Variants in NTM observed in about 807,000 individuals in gnomAD.
The protein encoded by NTM is neurotrimin, also known as IgLON family member 2.
A neutral mutation model predicts 42.1 loss-of-function variants in NTM; 13 were observed. That is an observed-to-expected ratio of 0.31 (90% CI 0.20 to 0.49). The LOEUF is 0.49. NTM is among the 20% of genes least tolerant of loss of function. The probability of loss-of-function intolerance (pLI) is 0.99; values close to 1 mark genes in which losing one functional copy is unlikely to be tolerated. For missense variants in NTM, 373 were observed against 452.8 expected, an observed-to-expected ratio of 0.82 and a Z score of 1.60; for synonymous variants, 187 against 179.2, an observed-to-expected ratio of 1.04 and a Z score of -0.35.
intron 1 of NTM, among the ~76,000 whole-genome samples, chr11:131,735,835 G>GGTGTGTGTGTGT (rs398018112): frequency 3.5e-4 from 43 of 121,374 alleles, no homozygotes; most frequent in African/African-American, 8.0e-4. Context: ...CCATTCATAA[G>GGTGTGTGTGTGT]GTGTGTGTGT....
intron 4 of NTM, among the ~76,000 whole-genome samples, chr11:132,279,105 C>T (rs761401862): frequency 2.5e-4 from 38 of 152,222 alleles, no homozygotes; most frequent in Non-Finnish European, 4.6e-4. Context: ...GAGAATACCA[C>T]AGCTATCTGC....
At chr11:131,575,384 G>T (rs1484625467) in intron 1 of NTM, among the ~76,000 whole-genome samples, 1 of 152,220 alleles carries the variant, frequency 6.6e-6, no homozygotes, top group Non-Finnish European at 1.5e-5. Flanking sequence ...TTCTCTTCTG[G>T]TTGAAATGTT....
intron 1 of NTM, among the ~76,000 whole-genome samples, chr11:131,715,169 G>T (rs961935921): frequency 5.3e-5 from 8 of 152,180 alleles, no homozygotes; most frequent in Admixed American, 1.3e-4. Context: ...AAACAAGATG[G>T]AATTCTGTTC....
intron 4 of NTM, among the ~76,000 whole-genome samples, chr11:132,295,869 A>T (rs2094591508): frequency 1.3e-5 from 2 of 152,200 alleles, no homozygotes; most frequent in Non-Finnish European, 2.9e-5. Flanking sequence ...GAAAAGAATA[A>T]ATGGGAGGCG....
At chr11:131,881,701 T>C (rs888923333) in intron 1 of NTM, among the ~76,000 whole-genome samples, 3 of 152,166 alleles carry the variant, frequency 2.0e-5, no homozygotes, top group Admixed American at 2.0e-4. Flanking sequence ...CCAAAAAGGC[T>C]ATAGGGTTGT....
intron 1 of NTM, among the ~76,000 whole-genome samples, chr11:131,430,208 T>C (rs1390212196): frequency 6.6e-6 from 1 of 152,158 alleles, no homozygotes; most frequent in African/African-American, 2.4e-5. Context: ...AAAACAAAAA[T>C]ACAACATGCT....
intron 1 of NTM, among the ~76,000 whole-genome samples, chr11:131,732,755 T>A (rs1412912292): frequency 1.3e-5 from 2 of 152,028 alleles, no homozygotes; most frequent in Non-Finnish European, 2.9e-5. Context: ...CTTAGCGGAG[T>A]CTATTTGTGT....
At chr11:131,941,053 A>C (rs1399746653) in intron 2 of NTM, among the ~76,000 whole-genome samples, 1 of 152,236 alleles carries the variant, frequency 6.6e-6, no homozygotes, top group African/African-American at 2.4e-5. Context: ...GAGGGGTTAA[A>C]GGGGAGAGGG....
intron 4 of NTM, among the ~76,000 whole-genome samples, chr11:132,224,570 C>T (rs2085818834): frequency 6.6e-6 from 1 of 152,204 alleles, no homozygotes; most frequent in Non-Finnish European, 1.5e-5. Flanking sequence ...CAGATTTCAG[C>T]TTCAACCTGT....
intron 1 of NTM, among the ~76,000 whole-genome samples, chr11:131,592,079 G>A (rs2059412157): frequency 6.6e-6 from 1 of 152,186 alleles, no homozygotes; most frequent in Non-Finnish European, 1.5e-5. Flanking sequence ...GGTTAAGTCA[G>A]TGATGAGGGG....
chr11:132,094,718 G>A (rs903131558), intron 2 of NTM, among the ~76,000 whole-genome samples: 4 of 152,100 alleles, frequency 2.6e-5, no homozygotes, highest in African/African-American at 7.2e-5. Flanking sequence ...TATTATTTTT[G>A]TGGTTCCCAT....
intron 4 of NTM, among the ~76,000 whole-genome samples, chr11:132,276,635 A>G (rs2093736853): frequency 2.0e-5 from 3 of 152,164 alleles, no homozygotes; most frequent in Admixed American, 6.5e-5. Flanking sequence ...GACCACTTCC[A>G]ATTAAAACAT....
chr11:131,663,371 G>C (rs113869671), intron 1 of NTM: 24 of 152,306 alleles, frequency 1.6e-4, no homozygotes, highest in African/African-American at 5.3e-4. Context: ...GGAATCCATC[G>C]ATCTGACCAT....
intron 7 of NTM, among the ~76,000 whole-genome samples, chr11:132,327,576 G>A (rs889154355): frequency 6.6e-6 from 1 of 152,144 alleles, no homozygotes; most frequent in African/African-American, 2.4e-5. Context: ...TTGTATATCC[G>A]TCTTCACATG....
chr11:131,659,260 C>T (rs2067633919), intron 1 of NTM, among the ~76,000 whole-genome samples: 1 of 152,132 alleles, frequency 6.6e-6, no homozygotes, highest in South Asian at 2.1e-4. Context: ...CACCACAGAC[C>T]CTTAAAGTGT....
At chr11:131,698,580 A>T (rs1280003064) in intron 1 of NTM, among the ~76,000 whole-genome samples, 1 of 152,214 alleles carries the variant, frequency 6.6e-6, no homozygotes, top group Non-Finnish European at 1.5e-5. Context: ...CATTGGAAAA[A>T]AAAAGTCCTA....
At chr11:132,075,422 A>G (rs578201525) in intron 2 of NTM, among the ~76,000 whole-genome samples, 1 of 152,350 alleles carries the variant, frequency 6.6e-6, no homozygotes, top group South Asian at 2.1e-4. Context: ...CTCACCATTA[A>G]AAGTCCTACA....
At chr11:131,638,002 G>A (rs563674916) in intron 1 of NTM, among the ~76,000 whole-genome samples, 117 of 152,156 alleles carry the variant, frequency 7.7e-4, no homozygotes, top group African/African-American at 1.8e-3. Flanking sequence ...CTCAGTAGCC[G>A]TATTTAACCA....
chr11:131,529,770 G>C (rs1440156953), intron 1 of NTM, among the ~76,000 whole-genome samples: 1 of 152,154 alleles, frequency 6.6e-6, no homozygotes, highest in African/African-American at 2.4e-5. Flanking sequence ...TACCTCCCCT[G>C]TACCTAATGG....
Sources: allele counts gnomAD v4.1 joint callset (sites outside exome capture counted in the v4.1 genomes callset), GRCh38; gene constraint gnomAD v4.1.1; transcripts MANE v1.5; gene names NCBI Gene and HGNC (gene_info 2026-07-23, HGNC 2026-07-21).